The following ATF3 variants were observed in gnomAD, a reference collection of about 807,000 sequenced individuals.
ATF3 encodes the protein cyclic AMP-dependent transcription factor ATF-3.
A neutral mutation model predicts 18.4 loss-of-function variants in ATF3; 10 were observed. That is an observed-to-expected ratio of 0.54 (90% CI 0.34 to 0.92). ATF3 has a LOEUF of 0.92. Among genes scored for constraint, ATF3 ranks in the 40% least tolerant of loss-of-function variants. ATF3 has a pLI of 0.02. For missense variants in ATF3, 183 were observed against 222.3 expected (o/e 0.82, Z 1.12); for synonymous variants, 78 against 87.9 (o/e 0.89, Z 0.63).
chr1:212,569,524 C>T (rs1229865109), intron 1 of ATF3, among the ~76,000 whole-genome samples: 1 of 151,986 alleles, frequency 6.6e-6, no homozygotes, highest in Non-Finnish European at 1.5e-5. Flanking sequence ...AGACAGTAGA[C>T]AGAAGCTCAA....
At chr1:212,589,036 G>A (rs527948560) in intron 1 of ATF3, among the ~76,000 whole-genome samples, 127 of 152,022 alleles carry the variant, frequency 8.4e-4, no homozygotes, top group African/African-American at 2.5e-3. Context: ...ATATAGCATC[G>A]CTTTGAACAT....
intron 1 of ATF3, among the ~76,000 whole-genome samples, chr1:212,569,692 T>TTTTTTTTTTTTTTTTTTTTTTTTTTGAG (rs1664445733): frequency 6.6e-6 from 1 of 152,160 alleles, no homozygotes; most frequent in African/African-American, 2.4e-5. Flanking sequence ...ACATAATTTT[T>TTTTTTTTTTTTTTTTTTTTTTTTTTGAG]AATGATTGTA....
chr1:212,588,598 T>G (rs1664822441), intron 1 of ATF3, among the ~76,000 whole-genome samples: 1 of 148,884 alleles, frequency 6.7e-6, no homozygotes, highest in African/African-American at 2.5e-5. Context: ...TTAAAAACTC[T>G]AACAATACTA....
chr1:212,598,641 C>T lies in ATF3; in HGVS notation c.-4-16377C>T, dbSNP rs1343487691. Among the ~76,000 whole-genome samples, 2 of 152,310 alleles carry T rather than the reference C, an allele frequency of 1.3e-5. 1 individual carries two copies. The highest frequency in any genetic ancestry group is 4.2e-4 in the South Asian group (2 of 4,818). Reference sequence around the variant, plus strand: ...CCCTTCCCAGCCTCTGGTAACCATCCTTCTACTCTTTGTGTCCATGGGTTC... The same window carrying T: ...CCCTTCCCAGCCTCTGGTAACCATCTTTCTACTCTTTGTGTCCATGGGTTC... On this transcript the variant is annotated intron_variant, in intron 1 of 3. Coordinates refer to the ATF3 transcript ENST00000366981.
At chr1:212,593,449 G>C (rs192443203) in intron 1 of ATF3, among the ~76,000 whole-genome samples, 7 of 151,428 alleles carry the variant, frequency 4.6e-5, no homozygotes, top group Non-Finnish European at 5.9e-5. Flanking sequence ...AAAAAAAAAA[G>C]TGTTCTTGGG....
At chr1:212,615,382 C>G in intron 2 of ATF3, 121 bp downstream of exon 2, 1 of 1,272,208 alleles carries the variant, frequency 7.9e-7, no homozygotes, top group South Asian at 1.4e-5. Context: ...CCACTGCCCT[C>G]AGGGAGCTTA....
chr1:212,605,191 T>C (rs1212275174), upstream of ATF3, among the ~76,000 whole-genome samples: 1 of 152,194 alleles, frequency 6.6e-6, no homozygotes, highest in Admixed American at 6.5e-5. Flanking sequence ...GTTAGTGCCA[T>C]TTTTCATTTG....
chr1:212,616,553 C>T (rs1005322022), intron 2 of ATF3, among the ~76,000 whole-genome samples: 2 of 152,198 alleles, frequency 1.3e-5, no homozygotes, highest in Non-Finnish European at 2.9e-5. Flanking sequence ...CCGCCTCGGC[C>T]TCCCAAAGTG....
Position 212,576,716 on chromosome 1 carries a change from CTTTTCTTTTT to C in ATF3, c.-5+11238_-5+11247del, listed in dbSNP as rs1243505509. ...TTATTAAAAAATATTCTTTTCTTTT[CTTTTCTTTTT>C]TTTTTTTTTTTTTTTTTTTGAGGCA... On this transcript the variant is annotated intron_variant, in intron 1 of 3. Coordinates refer to the ATF3 transcript ENST00000366981. Among the ~76,000 whole-genome samples, 202 of 78,224 alleles carry C rather than the reference CTTTTCTTTTT, an allele frequency of 2.6e-3. 1 individual carries two copies. Among genetic ancestry groups the C allele is most frequent in the African/African-American group, 9.9e-3 (193 of 19,474 alleles). 51.3% of individuals were successfully genotyped at this position (78,224 alleles called of 152,430 possible).
At chr1:212,604,040 T>A (rs1465997658), upstream of ATF3, among the ~76,000 whole-genome samples, 1 of 152,170 alleles carries the variant, frequency 6.6e-6, no homozygotes, top group Non-Finnish European at 1.5e-5. Flanking sequence ...TTTCCCAAAT[T>A]TTCATAATGA....
rs1413477787 is a variant in ATF3 at position 212,571,729 on chromosome 1, TGA to T, written c.-5+6249_-5+6250del. ...CCAGCCAATACTTTTTTTTTTTTTT[TGA>T]GACGGAGTCTGGCTCTGTCGCCCAG... On this transcript the variant is annotated intron_variant, in intron 1 of 3. Transcript: ENST00000366981. Among the ~76,000 whole-genome samples, 5 of 111,790 alleles carry T rather than the reference TGA, an allele frequency of 4.5e-5. No individual in the cohort carries two copies. In the East Asian group the frequency reaches 9.2e-4, roughly 21 times the overall value. The allele number at this position is 111,790 out of a possible 152,430, so 73.3% of individuals were successfully genotyped here.
At chr1:212,579,872 C>A (rs149699489) in intron 1 of ATF3, among the ~76,000 whole-genome samples, 1 of 152,002 alleles carries the variant, frequency 6.6e-6, no homozygotes, top group Non-Finnish European at 1.5e-5. Flanking sequence ...AGACTGGGCA[C>A]AGTGGCTCAC....
upstream of ATF3, among the ~76,000 whole-genome samples, chr1:212,607,143 T>G (rs1351854408): frequency 3.9e-5 from 6 of 152,040 alleles, no homozygotes; most frequent in Non-Finnish European, 7.4e-5. Context: ...GTGGGTGGTC[T>G]GAGTGAGGTC....
intron 1 of ATF3, among the ~76,000 whole-genome samples, chr1:212,576,493 C>G (rs1379455721): frequency 6.6e-6 from 1 of 151,608 alleles, no homozygotes; most frequent in East Asian, 1.9e-4. Flanking sequence ...TGCCTAGTTT[C>G]TTAAGTTGAA....
chr1:212,588,399 C>T (rs941539114), intron 1 of ATF3, among the ~76,000 whole-genome samples: 4 of 152,082 alleles, frequency 2.6e-5, no homozygotes, highest in African/African-American at 9.7e-5. Flanking sequence ...AATCACATCT[C>T]GTCACCCTAG....
At chr1:212,570,702 TG>T (rs1316379990) in intron 1 of ATF3, among the ~76,000 whole-genome samples, 2 of 152,210 alleles carry the variant, frequency 1.3e-5, no homozygotes, top group Admixed American at 1.3e-4. Context: ...GACCTTTATA[TG>T]GAATGGAGTC....
chr1:212,589,060 A>G (rs183863852), intron 1 of ATF3, among the ~76,000 whole-genome samples: 128 of 152,330 alleles, frequency 8.4e-4, no homozygotes, highest in Non-Finnish European at 1.7e-3. Context: ...AACCCAGGTC[A>G]TGAGAGAGAG....
intron 1 of ATF3, among the ~76,000 whole-genome samples, chr1:212,572,518 T>C (rs1454490677): frequency 6.6e-6 from 1 of 152,186 alleles, no homozygotes; most frequent in African/African-American, 2.4e-5. Flanking sequence ...AAATTCAGTC[T>C]CAAAAACCAA....
Position 212,619,011 on chromosome 1 carries a change from C to T in ATF3, c.349-347C>T, listed in dbSNP as rs550567614. 6.8e-6 allele frequency: 11 copies of T among 1,613,752 alleles called. No individual in the cohort carries two copies. The East Asian group carries it at 1.3e-4, about 20-fold the overall frequency. On this transcript the variant is annotated intron_variant, in intron 3 of 3. Transcript: ENST00000341491. The surrounding 1 kb of genome is among the most constrained non-coding windows in gnomAD (Gnocchi z 4.4). ...CTCATTGAGATCTGTGACTCAGAATCGACTAAGCCACCATAAGTCTGGATT... is the reference window on the plus strand; with the variant it reads ...CTCATTGAGATCTGTGACTCAGAATTGACTAAGCCACCATAAGTCTGGATT...
Sources: gnomAD v4.1 joint callset for allele counts (sites outside exome capture counted in the v4.1 genomes callset) on GRCh38, gnomAD v4.1.1 for gene constraint, Gnocchi (gnomAD v3.1) non-coding constraint, MANE v1.5 for transcripts, NCBI Gene and HGNC (gene_info 2026-07-23, HGNC 2026-07-21) for gene names.